Variants in LUZP2 observed in about 807,000 individuals in gnomAD.
LUZP2 encodes the protein leucine zipper protein 2.
LUZP2 carries 52 observed loss-of-function variants against 51.6 expected under a neutral mutation model. The ratio of observed to expected loss-of-function variants is 1.01; its 90% confidence interval spans 0.81 to 1.27. The LOEUF is 1.27. Ranked by LOEUF, LUZP2 falls within the 50% of genes most tolerant of loss-of-function variation. LUZP2 has a pLI of 0.00. For missense variants in LUZP2, 436 were observed against 395.4 expected (o/e 1.10, Z -0.87); for synonymous variants, 154 against 137.3 (o/e 1.12, Z -0.85).
intron 1 of LUZP2, among the ~76,000 whole-genome samples, chr11:24,589,051 C>T (rs1022601835): frequency 1.3e-5 from 2 of 152,110 alleles, no homozygotes; most frequent in African/African-American, 4.8e-5. Flanking sequence ...CCATCTCATT[C>T]TGCTCTTCCA....
chr11:24,510,683 T>C (rs905748519), intron 1 of LUZP2, among the ~76,000 whole-genome samples: 1 of 152,216 alleles, frequency 6.6e-6, no homozygotes, highest in African/African-American at 2.4e-5. Context: ...ATTTATATTA[T>C]ATAACATATT....
At chr11:25,019,085 A>C (rs1857252606) in intron 9 of LUZP2, among the ~76,000 whole-genome samples, 1 of 152,200 alleles carries the variant, frequency 6.6e-6, no homozygotes, top group Non-Finnish European at 1.5e-5. Context: ...AACTACCTTG[A>C]CACATCACTA....
intron 4 of LUZP2, among the ~76,000 whole-genome samples, chr11:24,745,610 G>T (rs1590439055): frequency 6.6e-6 from 1 of 151,988 alleles, no homozygotes; most frequent in African/African-American, 2.4e-5. Context: ...TATGTTTTGG[G>T]TGAGTCTCCT....
intron 9 of LUZP2, among the ~76,000 whole-genome samples, chr11:25,010,061 A>G (rs1361528926): frequency 1.3e-5 from 2 of 152,174 alleles, no homozygotes; most frequent in African/African-American, 2.4e-5. Context: ...CTCTTTGTCA[A>G]TCCCCATGTG....
intron 5 of LUZP2, among the ~76,000 whole-genome samples, chr11:24,804,061 A>G (rs1196310664): frequency 6.6e-6 from 1 of 151,898 alleles, no homozygotes; most frequent in Non-Finnish European, 1.5e-5. Flanking sequence ...GAAACCAAAT[A>G]TATGGGTTTT....
chr11:24,996,812 C>T (rs906691321), intron 9 of LUZP2, among the ~76,000 whole-genome samples: 1 of 151,868 alleles, frequency 6.6e-6, no homozygotes. Flanking sequence ...TGTTCCCCTT[C>T]CTGTGTCCAT....
chr11:25,064,663 G>T (rs899050231), intron 10 of LUZP2, among the ~76,000 whole-genome samples: 2 of 152,066 alleles, frequency 1.3e-5, no homozygotes, highest in African/African-American at 4.8e-5. Context: ...GCCTAAGATT[G>T]TGGCTGTTTT....
intron 9 of LUZP2, among the ~76,000 whole-genome samples, chr11:25,043,755 G>T (rs1858153768): frequency 1.4e-5 from 2 of 147,352 alleles, no homozygotes; most frequent in African/African-American, 4.9e-5. Context: ...AATATACATA[G>T]TGTGGTATAT....
At chr11:24,610,537 A>C (rs1565027432) in intron 1 of LUZP2, among the ~76,000 whole-genome samples, 1 of 152,208 alleles carries the variant, frequency 6.6e-6, no homozygotes, top group Admixed American at 6.5e-5. Context: ...GCCCTTGTTT[A>C]TGGTGGCTCA....
intron 6 of LUZP2, among the ~76,000 whole-genome samples, chr11:24,912,536 T>G (rs1853667567): frequency 6.6e-6 from 1 of 152,212 alleles, no homozygotes; most frequent in African/African-American, 2.4e-5. Context: ...GGGCTGGGCA[T>G]GGTGGCTCAC....
intron 5 of LUZP2, among the ~76,000 whole-genome samples, chr11:24,859,158 C>A (rs932982198): frequency 1.3e-5 from 2 of 151,956 alleles, no homozygotes; most frequent in African/African-American, 4.8e-5. Flanking sequence ...TAGTATAGTA[C>A]AACAATAGTT....
intron 7 of LUZP2, among the ~76,000 whole-genome samples, chr11:24,948,665 G>A (rs935833047): frequency 1.3e-5 from 2 of 151,700 alleles, no homozygotes; most frequent in Non-Finnish European, 3.0e-5. Flanking sequence ...TATAACTCAT[G>A]GGTTTTTAGA....
At chr11:24,987,554 A>T (rs1467135929) in intron 9 of LUZP2, among the ~76,000 whole-genome samples, 3 of 151,866 alleles carry the variant, frequency 2.0e-5, no homozygotes, top group Non-Finnish European at 2.9e-5. Context: ...CCTTAGTTGC[A>T]GTTTATATTG....
At chr11:25,021,463 G>T (rs1857330617) in intron 9 of LUZP2, among the ~76,000 whole-genome samples, 1 of 151,676 alleles carries the variant, frequency 6.6e-6, no homozygotes, top group African/African-American at 2.4e-5. Flanking sequence ...ATGCAGGTGA[G>T]AAAGAATGAG....
In LUZP2 at chr11:24,989,911, T is replaced by C. The variant is rs199516592; in HGVS notation, c.765+6618T>C. 9.9e-5 allele frequency among the ~76,000 whole-genome samples: 15 copies of C among 152,260 alleles called. No homozygotes were observed. In the East Asian group the frequency reaches 2.5e-3, roughly 26 times the overall value. ...CTAGTATTGCTAATTATTATAAATA[T>C]ACAAACTAAATTGATTCATTATTTT... On this transcript the variant is annotated intron_variant, in intron 9 of 11. Transcript: ENST00000336930.
chr11:24,765,035 G>A (rs189557792), intron 5 of LUZP2, among the ~76,000 whole-genome samples: 2 of 151,984 alleles, frequency 1.3e-5, no homozygotes, highest in Non-Finnish European at 2.9e-5. Flanking sequence ...ATACTATTAA[G>A]AACATATGAA....
intron 9 of LUZP2, among the ~76,000 whole-genome samples, chr11:25,000,456 T>G (rs1181396815): frequency 6.6e-6 from 1 of 152,118 alleles, no homozygotes; most frequent in Admixed American, 6.6e-5. Flanking sequence ...CAGGGTTCCT[T>G]GGTAGTAGTT....
chr11:24,743,278 G>C (rs1012974386), intron 4 of LUZP2, among the ~76,000 whole-genome samples: 1 of 152,036 alleles, frequency 6.6e-6, no homozygotes, highest in Non-Finnish European at 1.5e-5. Context: ...ATTGCTTTGG[G>C]CAGTATGGCC....
At position 24,562,954 on chromosome 11, in the gene LUZP2, A is replaced by T. The variant is rs111769367; in HGVS notation, c.62+65649A>T. ...AAGGGTAAGATTGTGGGGCCTAGGA[A>T]GTAGATAAGCAACTAGGCTTCTTGC... is the stretch of plus-strand genomic sequence containing the variant. On this transcript the variant is annotated intron_variant, in intron 1 of 11. Coordinates refer to ENST00000336930, the MANE Select transcript of LUZP2 (RefSeq NM_001009909.4). Among the ~76,000 whole-genome samples, 1,250 of 152,270 alleles carry T rather than the reference A, an allele frequency of 8.2e-3. 17 individuals carry two copies. Among genetic ancestry groups the T allele is most frequent in the South Asian group, 0.035 (169 of 4,826 alleles).
Sources: allele counts gnomAD v4.1 joint callset (sites outside exome capture counted in the v4.1 genomes callset), GRCh38; gene constraint gnomAD v4.1.1; transcripts MANE v1.5; gene names NCBI Gene and HGNC (gene_info 2026-07-23, HGNC 2026-07-21).